The following PREX2 variants were observed in gnomAD, a reference collection of about 807,000 sequenced individuals.
The protein encoded by PREX2 is phosphatidylinositol-3,4,5-trisphosphate dependent Rac exchange factor 2.
PREX2 carries 107 observed loss-of-function variants against 203.2 expected under a neutral mutation model. The ratio of observed to expected loss-of-function variants is 0.53; its 90% CI spans 0.45 to 0.62. The LOEUF is 0.62. Among genes scored for constraint, PREX2 ranks in the 20% least tolerant of loss-of-function variants. PREX2 has a pLI of 0.00. For missense variants in PREX2, 1,777 were observed against 1,955.9 expected, an observed-to-expected ratio of 0.91 and a Z score of 1.72; for synonymous variants, 672 against 663.6, an observed-to-expected ratio of 1.01 and a Z score of -0.19.
chr8:67,985,550 T>C (rs762175275), intron 1 of PREX2, among the ~76,000 whole-genome samples: 1 of 152,148 alleles, frequency 6.6e-6, no homozygotes, highest in Non-Finnish European at 1.5e-5. Flanking sequence ...AGTGTGATGA[T>C]TTACCGTGCA....
intron 23 of PREX2, chr8:68,105,701 G>C: frequency 8.7e-6 from 2 of 230,446 alleles, no homozygotes; most frequent in Non-Finnish European, 1.3e-5. Context: ...ATATATATAT[G>C]GATATATATA....
intron 27 of PREX2, 118 bp from the exon 28 acceptor site, chr8:68,119,314 C>T (rs1237655851): frequency 1.5e-5 from 10 of 669,040 alleles, no homozygotes; most frequent in Admixed American, 6.6e-5. Flanking sequence ...GAGAACTGTG[C>T]ATGGAATAAC....
chr8:68,071,765 C>CA (rs1809201096), intron 13 of PREX2, among the ~76,000 whole-genome samples: 1 of 151,998 alleles, frequency 6.6e-6, no homozygotes, highest in Non-Finnish European at 1.5e-5. Flanking sequence ...TCTAATCAGG[C>CA]AAAAAGAATA....
intron 34 of PREX2, among the ~76,000 whole-genome samples, 171 bp downstream of exon 34, chr8:68,146,523 T>C (rs1335176129): frequency 6.6e-6 from 1 of 152,218 alleles, no homozygotes; most frequent in Non-Finnish European, 1.5e-5. Flanking sequence ...ATGATTTAAA[T>C]ATTTACCAAA....
chr8:68,125,339 G>A (rs1418879293), intron 30 of PREX2, among the ~76,000 whole-genome samples: 1 of 152,046 alleles, frequency 6.6e-6, no homozygotes, highest in Admixed American at 6.6e-5. Flanking sequence ...GTTTATATAA[G>A]CAGCTGGGAT....
Position 68,021,908 on chromosome 8 carries a change from C to T in PREX2, c.337-128C>T, listed in dbSNP as rs574965506. ...GAAAATAAACAAAATTTATATATAG[C>T]TGTATACACGCAGTATAGCTCTTAA... On this transcript the variant is annotated intron_variant, in intron 3 of 39. Coordinates refer to ENST00000288368, the MANE Select transcript of PREX2 (RefSeq NM_024870.4). The T allele has an allele frequency of 3.0e-4, 176 of 577,274 alleles. 2 individuals carry two copies. The highest frequency in any genetic ancestry group is 3.0e-3 in the South Asian group (141 of 46,820). The allele number at this position is 577,274 out of a possible 1,614,324, so 35.8% of individuals were successfully genotyped here. A position where few individuals can be genotyped will look rare whatever the true frequency, so the allele number is the denominator to read the frequency against.
chr8:68,168,671 T>G (rs901873678), intron 35 of PREX2, among the ~76,000 whole-genome samples: 3 of 152,200 alleles, frequency 2.0e-5, no homozygotes, highest in African/African-American at 4.8e-5. Context: ...TTATTTTTCC[T>G]GTTAATCTGT....
intron 23 of PREX2, among the ~76,000 whole-genome samples, chr8:68,102,239 G>A (rs1053633390): frequency 7.2e-5 from 11 of 152,152 alleles, no homozygotes; most frequent in African/African-American, 1.7e-4. Flanking sequence ...TTAAGGTCAC[G>A]TAGGTGGCAA....
chr8:68,165,534 G>T (rs1228153043), intron 35 of PREX2, among the ~76,000 whole-genome samples: 1 of 152,006 alleles, frequency 6.6e-6, no homozygotes, highest in South Asian at 2.1e-4. Flanking sequence ...TGCTCACAGC[G>T]ACTCCAGGAC....
intron 7 of PREX2, among the ~76,000 whole-genome samples, chr8:68,039,323 T>C (rs13273512): frequency 2.0e-5 from 3 of 152,112 alleles, no homozygotes; most frequent in Non-Finnish European, 4.4e-5. Context: ...CTCTTTAAGG[T>C]TTTGTTTGTT....
At chr8:68,193,075 G>T (rs950542014) in intron 37 of PREX2, among the ~76,000 whole-genome samples, 1 of 152,146 alleles carries the variant, frequency 6.6e-6, no homozygotes, top group African/African-American at 2.4e-5. Flanking sequence ...AGGCAACTGT[G>T]GTCTGTCTGA....
At chr8:68,031,261 G>A (rs548508266) in intron 6 of PREX2, among the ~76,000 whole-genome samples, 15 of 152,168 alleles carry the variant, frequency 9.9e-5, no homozygotes, top group Non-Finnish European at 2.1e-4. Flanking sequence ...TATTTCATGC[G>A]GTTGGAGTCC....
intron 12 of PREX2, 48 bp downstream of exon 12, chr8:68,069,184 A>G: frequency 1.1e-6 from 1 of 885,750 alleles, no homozygotes. Context: ...GCATGTTGTC[A>G]TTCTTCAGAA....
At chr8:68,032,024 G>T (rs2129610549) in intron 6 of PREX2, among the ~76,000 whole-genome samples, 1 of 152,254 alleles carries the variant, frequency 6.6e-6, no homozygotes, top group Non-Finnish European at 1.5e-5. Context: ...GTGTACTGCA[G>T]AAATGAGAGA....
chr8:68,080,305 A>G (rs1197081870), intron 15 of PREX2, 138 bp from the exon 16 acceptor site: 3 of 638,912 alleles, frequency 4.7e-6, no homozygotes, highest in Non-Finnish European at 7.8e-6. Flanking sequence ...ACCCGGGGCT[A>G]CTTGTGAATG....
intron 3 of PREX2, among the ~76,000 whole-genome samples, chr8:68,020,064 C>A (rs1450466981): frequency 6.6e-6 from 1 of 151,896 alleles, no homozygotes; most frequent in Admixed American, 6.6e-5. Context: ...CAGAATGTTC[C>A]CTTGTTAATC....
intron 11 of PREX2, among the ~76,000 whole-genome samples, chr8:68,063,954 A>G (rs976602254): frequency 6.6e-6 from 1 of 152,226 alleles, no homozygotes; most frequent in Non-Finnish European, 1.5e-5. Context: ...TGAATGAACC[A>G]TCTGTTTTAA....
chr8:67,986,099 T>C (rs1284038054), intron 1 of PREX2, among the ~76,000 whole-genome samples: 3 of 152,238 alleles, frequency 2.0e-5, no homozygotes, highest in Non-Finnish European at 2.9e-5. Context: ...ATCTTTCTTT[T>C]GGTTGGAGAC....
At chr8:68,048,579 CA>C (rs1300948714) in intron 8 of PREX2, among the ~76,000 whole-genome samples, 22 of 151,804 alleles carry the variant, frequency 1.4e-4, no homozygotes, top group East Asian at 7.7e-4. Flanking sequence ...ATGTTGAATA[CA>C]TTTTTTTTAT....
Sources: gnomAD v4.1 joint callset for allele counts (sites outside exome capture counted in the v4.1 genomes callset) on GRCh38, gnomAD v4.1.1 for gene constraint, MANE v1.5 for transcripts, NCBI Gene and HGNC (gene_info 2026-07-23, HGNC 2026-07-21) for gene names.